Variants in SOX13 observed in about 807,000 individuals in gnomAD.
SOX13 encodes the protein transcription factor SOX-13.
In SOX13, 28 loss-of-function variants were observed where a neutral mutation model predicts 71.8. The observed-to-expected ratio is 0.39, with a 90% CI of 0.29 to 0.53. The LOEUF (loss-of-function observed/expected upper bound fraction) is 0.53, where lower values mean the gene tolerates loss of function less well. Ranked by LOEUF, SOX13 falls within the 20% of genes least tolerant of loss-of-function variation. SOX13 has a pLI of 0.70. For missense variants in SOX13, 627 were observed against 810.3 expected (o/e 0.77, Z 2.75); for synonymous variants, 309 against 317.8 (o/e 0.97, Z 0.29).
chr1:204,110,114 G>T (rs1270998160), intron 1 of SOX13, among the ~76,000 whole-genome samples: 1 of 152,066 alleles, frequency 6.6e-6, no homozygotes, highest in Admixed American at 6.5e-5. Context: ...TTACAGGCAT[G>T]AGCCGCCGCG....
rs148121926 is a variant in SOX13, at chr1:204,079,624, G to T, written c.-2+5913G>T. Among the ~76,000 whole-genome samples the T allele has an allele frequency of 5.6e-3, 853 of 152,154 alleles. 8 individuals are homozygous for T. The highest frequency in any genetic ancestry group is 0.018 in the African/African-American group (747 of 41,532). The stretch of plus-strand genomic sequence containing the variant: ...AGCCTCCCAAAGTGCTGGGATTACA[G>T]GTGAGAACCACCGAGCCTGGCCTCA... On this transcript the variant is annotated intron_variant, in intron 1 of 13. Transcript: ENST00000367204.
chr1:204,083,333 C>T (rs1655948149), intron 1 of SOX13, among the ~76,000 whole-genome samples: 2 of 152,128 alleles, frequency 1.3e-5, no homozygotes, highest in South Asian at 4.1e-4. Flanking sequence ...TCAGATGGGG[C>T]AGGTAAGACT....
At chr1:204,096,238 C>CTTTTTTT (rs1491344524) in intron 1 of SOX13, among the ~76,000 whole-genome samples, 13 of 61,232 alleles carry the variant, frequency 2.1e-4, no homozygotes, top group African/African-American at 4.0e-4. Flanking sequence ...TTCTTTCTTT[C>CTTTTTTT]GTTTTTTTTT....
Position 204,105,413 on chromosome 1 carries a change from C to CTTT in SOX13, c.-1-7494_-1-7492dup, listed in dbSNP as rs35841451. Among the ~76,000 whole-genome samples, 212 of 137,980 alleles carry CTTT rather than the reference C, an allele frequency of 1.5e-3. 7 individuals carry two copies. In the South Asian group the frequency reaches 0.027, roughly 18 times the overall value. 90.5% of individuals were successfully genotyped at this position (137,980 alleles called of 152,430 possible). ...GAAGGCCTCTGACTCTGTATAATCT[C>CTTT]TTTTTTTTTTGAGACAGAGTCTCCC... On this transcript the variant is annotated intron_variant, in intron 1 of 13. Coordinates refer to ENST00000367204, the MANE Select transcript of SOX13 (RefSeq NM_005686.3).
intron 1 of SOX13, among the ~76,000 whole-genome samples, chr1:204,084,273 GGT>G (rs1655970698): frequency 6.6e-6 from 1 of 152,180 alleles, no homozygotes; most frequent in Admixed American, 6.5e-5. Flanking sequence ...GGCACTCTGT[GGT>G]GTGTGGCCCA....
chr1:204,078,504 T>A (rs2102218324), intron 1 of SOX13, among the ~76,000 whole-genome samples: 1 of 152,296 alleles, frequency 6.6e-6, no homozygotes, highest in East Asian at 1.9e-4. Flanking sequence ...ACACAGTAAA[T>A]CGTGCTTTGA....
chr1:204,086,249 C>G (rs948589815), intron 1 of SOX13, among the ~76,000 whole-genome samples: 1 of 152,214 alleles, frequency 6.6e-6, no homozygotes, highest in African/African-American at 2.4e-5. Flanking sequence ...CCTCAGTTCA[C>G]TGCATTATGA....
chr1:204,088,659 G>T (rs762350328), intron 1 of SOX13, among the ~76,000 whole-genome samples: 18 of 152,174 alleles, frequency 1.2e-4, no homozygotes, highest in Non-Finnish European at 1.9e-4. Context: ...TGGGGTAGGG[G>T]TCATTCCTGC....
chr1:204,124,378 C>T (rs1002457880), intron 12 of SOX13, among the ~76,000 whole-genome samples: 2 of 152,250 alleles, frequency 1.3e-5, no homozygotes, highest in Non-Finnish European at 2.9e-5. Flanking sequence ...AGGCCAGAGG[C>T]TCAAGGAAGT....
At chr1:204,117,302 A>G in intron 6 of SOX13, 112 bp downstream of exon 6, 3 of 945,302 alleles carry the variant, frequency 3.2e-6, no homozygotes, top group Non-Finnish European at 5.1e-6. Context: ...CCAGAGCAGA[A>G]TCACTCAGGC....
At chr1:204,080,557 C>T (rs1655881638) in intron 1 of SOX13, among the ~76,000 whole-genome samples, 1 of 152,040 alleles carries the variant, frequency 6.6e-6, no homozygotes, top group African/African-American at 2.4e-5. Flanking sequence ...CCAGTCCCCG[C>T]CCCCTGCTTG....
chr1:204,097,957 C>T (rs930543867), intron 1 of SOX13, among the ~76,000 whole-genome samples: 4 of 152,046 alleles, frequency 2.6e-5, no homozygotes, highest in African/African-American at 9.7e-5. Flanking sequence ...GCCTCAACCT[C>T]AAGTGATCCT....
intron 1 of SOX13, chr1:204,074,101 C>G (rs1655733131): frequency 6.6e-6 from 1 of 152,072 alleles, no homozygotes; most frequent in Admixed American, 6.6e-5. Context: ...CTCATCAGCC[C>G]GACTATGCGC....
intron 1 of SOX13, among the ~76,000 whole-genome samples, chr1:204,083,235 A>C (rs1655943753): frequency 6.6e-6 from 1 of 152,044 alleles, no homozygotes; most frequent in Non-Finnish European, 1.5e-5. Context: ...GACACCCTTT[A>C]TTGAGCCTGA....
chr1:204,107,781 G>T (rs887022552), intron 1 of SOX13, among the ~76,000 whole-genome samples: 15 of 152,176 alleles, frequency 9.9e-5, no homozygotes, highest in Non-Finnish European at 2.1e-4. Context: ...GGACAAGTGG[G>T]CCCAGAGGAT....
intron 1 of SOX13, among the ~76,000 whole-genome samples, chr1:204,091,885 T>G (rs562560527): frequency 6.6e-6 from 1 of 152,294 alleles, no homozygotes; most frequent in African/African-American, 2.4e-5. Flanking sequence ...CCCCACCTCT[T>G]TCTTAGCTTT....
At chr1:204,083,230 C>T (rs1005997465) in intron 1 of SOX13, among the ~76,000 whole-genome samples, 1 of 151,946 alleles carries the variant, frequency 6.6e-6, no homozygotes, top group Non-Finnish European at 1.5e-5. Context: ...CTGTTGACAC[C>T]CTTTATTGAG....
intron 1 of SOX13, among the ~76,000 whole-genome samples, chr1:204,109,700 T>C (rs1023437892): frequency 6.6e-6 from 1 of 152,212 alleles, no homozygotes; most frequent in Non-Finnish European, 1.5e-5. Flanking sequence ...GACGGTTGGT[T>C]CCAGGACCTC....
At chr1:204,125,179 A>G (rs1372610771) in intron 13 of SOX13, among the ~76,000 whole-genome samples, 1 of 152,190 alleles carries the variant, frequency 6.6e-6, no homozygotes, top group African/African-American at 2.4e-5. Context: ...GCTAGAAATC[A>G]AAGTATTCAT....
Sources: allele counts gnomAD v4.1 joint callset (sites outside exome capture counted in the v4.1 genomes callset), GRCh38; gene constraint gnomAD v4.1.1; transcripts MANE v1.5; gene names NCBI Gene and HGNC (gene_info 2026-07-23, HGNC 2026-07-21).